Variants in WDR33 observed in about 807,000 individuals in gnomAD.
WDR33 encodes pre-mRNA 3' end processing protein WDR33.
A neutral mutation model predicts 164.9 loss-of-function variants in WDR33; 47 were observed. The ratio of observed to expected loss-of-function variants is 0.29; its 90% CI spans 0.23 to 0.36. The LOEUF is 0.36. WDR33 is among the 10% of genes least tolerant of loss of function. The pLI, the probability that WDR33 is intolerant of heterozygous loss-of-function variation, is 1.00. For synonymous variants in WDR33, 505 were observed against 589.0 expected (o/e 0.86, Z 2.06); for missense variants, 1,137 against 1,754.1 (o/e 0.65, Z 6.28).
At chr2:127,765,296 A>G (rs781766027) in intron 4 of WDR33, 27 bp from the exon 5 acceptor site, 1 of 1,529,894 alleles carries the variant, frequency 6.5e-7, no homozygotes, top group East Asian at 2.2e-5. Flanking sequence ...GACAGGTTAT[A>G]CATCCTCCAA....
rs1168404890 is a variant in WDR33 at position 127,722,919 on chromosome 2, A to C, written c.1378+39T>G. 2 of 1,563,636 alleles carry C rather than the reference A, an allele frequency of 1.3e-6. No homozygotes were observed. Among genetic ancestry groups the C allele is most frequent in the South Asian group, 1.2e-5 (1 of 83,544 alleles). On this transcript the variant is annotated intron_variant, in intron 13 of 21. Coordinates refer to ENST00000322313, the MANE Select transcript of WDR33 (RefSeq NM_018383.5). This position sits in a 1 kb window ranked among gnomAD's most constrained non-coding sequence, Gnocchi z 5.1. The stretch of plus-strand genomic sequence containing the variant: ...AGGAACATAAACGGGTCAAGAAAAA[A>C]TTTGTAAAAATTAAATGTGTCTGTG...
At chr2:127,711,761 T>TATAG (rs1686172207) in intron 18 of WDR33, among the ~76,000 whole-genome samples, 2 of 81,838 alleles carry the variant, frequency 2.4e-5, no homozygotes, top group African/African-American at 2.1e-4. Flanking sequence ...GATATATATA[T>TATAG]ATATATATAT....
Position 127,738,296 on chromosome 2 carries a change from T to C in WDR33, c.725-11519A>G, listed in dbSNP as rs1368936961. ...GGTTATATTATTAATTTCCACCATA[T>C]TAAAAACATATTCCCATAAAATATC... On this transcript the variant is annotated intron_variant, in intron 7 of 21. Transcript: ENST00000322313. This position sits in a 1 kb window ranked among gnomAD's most constrained non-coding sequence, Gnocchi z 4.4. Among the ~76,000 whole-genome samples, 2 of 152,106 alleles carry C rather than the reference T, an allele frequency of 1.3e-5. No individual in the cohort carries two copies. The highest frequency in any genetic ancestry group is 2.9e-5 in the Non-Finnish European group (2 of 68,016).
At chr2:127,802,744 T>G (rs1023411400) in intron 1 of WDR33, among the ~76,000 whole-genome samples, 1 of 152,022 alleles carries the variant, frequency 6.6e-6, no homozygotes, top group Non-Finnish European at 1.5e-5. Context: ...TTTGGGAGGC[T>G]GAGGAGGGAG....
chr2:127,750,677 A>T lies in WDR33; in HGVS notation c.724+12385T>A, dbSNP rs866473977. Among the ~76,000 whole-genome samples, 99 of 35,480 alleles carry T rather than the reference A, an allele frequency of 2.8e-3. 1 individual carries two copies. Among genetic ancestry groups the T allele is most frequent in the East Asian group, 5.6e-3 (5 of 888 alleles). The allele number at this position is 35,480 out of a possible 152,430, so 23.3% of individuals were successfully genotyped here. On this transcript the variant is annotated intron_variant, in intron 7 of 21. Transcript: ENST00000322313. ...AAAAAAAAAAAAAAAAAAAAAAAAA[A>T]ATATATATATATATATATATATATA...
Position 127,763,162 on chromosome 2 carries a change from G to A in WDR33, c.627-3C>T, listed in dbSNP as rs1236156295. ...ATTTATTATCCGTGGGTGAGAAACT[G>A]TTACATGAAGACACACAGCAGGGGA... is the stretch of plus-strand genomic sequence containing the variant. On this transcript the variant is annotated splice_polypyrimidine_tract_variant and splice_region_variant and intron_variant, in intron 6 of 21. Transcript: ENST00000322313. The surrounding 1 kb of genome is among the most constrained non-coding windows in gnomAD (Gnocchi z 4.5). The A allele has an allele frequency of 9.9e-6, 16 of 1,613,986 alleles. No homozygotes were observed. Among genetic ancestry groups the A allele is most frequent in the Non-Finnish European group, 1.2e-5 (14 of 1,179,880 alleles).
At chr2:127,711,762 A>T (rs1686172069) in intron 18 of WDR33, among the ~76,000 whole-genome samples, 1 of 74,276 alleles carries the variant, frequency 1.3e-5, no homozygotes, top group African/African-American at 1.3e-4. Flanking sequence ...ATATATATAT[A>T]TATATATATA....
intron 1 of WDR33, among the ~76,000 whole-genome samples, chr2:127,807,923 C>T (rs971293729): frequency 1.3e-5 from 2 of 152,202 alleles, no homozygotes; most frequent in Non-Finnish European, 2.9e-5. Context: ...CATGATCATG[C>T]CACTGTATTC....
Position 127,764,622 on chromosome 2 carries a change from A to G in WDR33, c.626+206T>C. The G allele has an allele frequency of 6.4e-7, 1 of 1,554,366 alleles. No individual in the cohort carries two copies. The highest frequency in any genetic ancestry group is 8.7e-7 in the Non-Finnish European group (1 of 1,148,130). On this transcript the variant is annotated intron_variant, in intron 6 of 21. Transcript: ENST00000322313. This position sits in a 1 kb window ranked among gnomAD's most constrained non-coding sequence, Gnocchi z 6.2. ...GACAGTACATCTCTAACATATTGCA[A>G]AGGCTGATACCGGGACAACACTACT...
chr2:127,729,447 G>A (rs1686648926), intron 7 of WDR33, among the ~76,000 whole-genome samples: 1 of 151,688 alleles, frequency 6.6e-6, no homozygotes, highest in Non-Finnish European at 1.5e-5. Context: ...AAGACTCAGT[G>A]AAGGATAGTA....
At position 127,735,466 on chromosome 2, in the gene WDR33, T is replaced by C. The variant is rs1490959498; in HGVS notation, c.725-8689A>G. On this transcript the variant is annotated intron_variant, in intron 7 of 21. Coordinates refer to ENST00000322313, the MANE Select transcript of WDR33 (RefSeq NM_018383.5). This position sits in a 1 kb window ranked among gnomAD's most constrained non-coding sequence, Gnocchi z 4.3. Reference sequence around the variant, plus strand: ...ATTTTTCCTGGATCAGACCATTTTATGAACAAATCTTAAAAAAAATTCTTT... The same window carrying C: ...ATTTTTCCTGGATCAGACCATTTTACGAACAAATCTTAAAAAAAATTCTTT... 1 of 984,626 alleles carries C rather than the reference T, an allele frequency of 1.0e-6. No individual in the cohort carries two copies. The highest frequency in any genetic ancestry group is 1.7e-5 in the African/African-American group (1 of 57,220). 61.0% of individuals were successfully genotyped at this position (984,626 alleles called of 1,614,324 possible).
chr2:127,778,143 A>T (rs1042984965), intron 1 of WDR33, among the ~76,000 whole-genome samples: 6 of 152,140 alleles, frequency 3.9e-5, no homozygotes, highest in Admixed American at 1.3e-4. Flanking sequence ...AAAAAATTTT[A>T]AAAAATTATT....
At chr2:127,793,780 G>C (rs964563689) in intron 1 of WDR33, among the ~76,000 whole-genome samples, 4 of 152,012 alleles carry the variant, frequency 2.6e-5, no homozygotes, top group African/African-American at 9.7e-5. Flanking sequence ...ATGTAAAACA[G>C]TATGAAATTT....
At position 127,706,412 on chromosome 2, in the gene WDR33, G is replaced by A. The variant is rs762774396; in HGVS notation, c.3922C>T (p.Arg1308Trp). Residue 1308 changes from arginine (R) to tryptophan (W), a missense_variant, in exon 22 of 22, where the codon CGG (arginine) becomes TGG (tryptophan). Transcript: ENST00000322313. The surrounding 1 kb of genome is among the most constrained non-coding windows in gnomAD (Gnocchi z 5.1). The stretch of plus-strand genomic sequence containing the variant: ...CCTCTACCCCAGTTACTGCCACTCC[G>A]GCCCCCTCGAGAAGGGGTGCCACTG... The part of the protein sequence containing the change: ...PGSGTPSRGG[R>W]SGSNWGRGSN... 5.6e-6 allele frequency: 9 copies of A among 1,613,638 alleles called. No individual in the cohort carries two copies. In the East Asian group the frequency reaches 6.7e-5, roughly 12 times the overall value.
rs1455118522 is a variant in WDR33 at position 127,741,972 on chromosome 2, G to A, written c.725-15195C>T. Among the ~76,000 whole-genome samples, 7 of 151,104 alleles carry A rather than the reference G, an allele frequency of 4.6e-5. No homozygotes were observed. Among genetic ancestry groups the A allele is most frequent in the East Asian group, 2.0e-4 (1 of 5,072 alleles). Reference sequence around the variant, plus strand: ...TCCCAGCACTTTGGGAGGCCGAGGCGGGTGGATCACCTGAAGTCAGGAGTT... The same window carrying A: ...TCCCAGCACTTTGGGAGGCCGAGGCAGGTGGATCACCTGAAGTCAGGAGTT... On this transcript the variant is annotated intron_variant, in intron 7 of 21. Coordinates refer to ENST00000322313, the MANE Select transcript of WDR33 (RefSeq NM_018383.5). The surrounding 1 kb of genome is among the most constrained non-coding windows in gnomAD (Gnocchi z 4.1).
At chr2:127,801,229 GC>G (rs1689229404) in intron 1 of WDR33, among the ~76,000 whole-genome samples, 1 of 152,166 alleles carries the variant, frequency 6.6e-6, no homozygotes, top group African/African-American at 2.4e-5. Flanking sequence ...GGCACAGTGA[GC>G]TATGATTATA....
intron 7 of WDR33, among the ~76,000 whole-genome samples, chr2:127,747,565 T>G (rs548515150): frequency 6.6e-6 from 1 of 152,188 alleles, no homozygotes; most frequent in African/African-American, 2.4e-5. Flanking sequence ...CATGATGACA[T>G]TCTCTATTTC....
At chr2:127,787,436 G>A (rs989292429) in intron 1 of WDR33, among the ~76,000 whole-genome samples, 70 of 131,358 alleles carry the variant, frequency 5.3e-4, no homozygotes, top group Middle Eastern at 4.7e-3. Flanking sequence ...AGGGGTGGCC[G>A]GGCAGAGGCG....
chr2:127,737,380 C>T (rs1292930948), intron 7 of WDR33: 30 of 985,356 alleles, frequency 3.0e-5, no homozygotes, highest in African/African-American at 2.1e-4. Context: ...TGTGTATGTT[C>T]GGGCACATGT....
Sources: gnomAD v4.1 joint callset for allele counts (sites outside exome capture counted in the v4.1 genomes callset) on GRCh38, gnomAD v4.1.1 for gene constraint, Gnocchi (gnomAD v3.1) non-coding constraint, MANE v1.5 for transcripts, NCBI Gene and HGNC (gene_info 2026-07-23, HGNC 2026-07-21) for gene names.